TPST1: variants seen among roughly 807,000 people sequenced by gnomAD.
TPST1 encodes protein-tyrosine sulfotransferase 1.
In TPST1, 20 loss-of-function variants were observed where a neutral mutation model predicts 34.8. The ratio of observed to expected loss-of-function variants is 0.57; its 90% CI spans 0.40 to 0.84. TPST1 has a LOEUF of 0.84. Ranked by LOEUF, TPST1 falls within the 40% of genes least tolerant of loss-of-function variation. The pLI is 0.00. For synonymous variants in TPST1, 152 were observed against 159.4 expected, an observed-to-expected ratio of 0.95 and a Z score of 0.35; for missense variants, 353 against 455.5, an observed-to-expected ratio of 0.78 and a Z score of 2.05.
chr7:66,278,775 G>A (rs908285560), intron 2 of TPST1, among the ~76,000 whole-genome samples: 2 of 151,306 alleles, frequency 1.3e-5, no homozygotes, highest in African/African-American at 4.9e-5. Flanking sequence ...TCCAGCCTGG[G>A]TGGCAGAACG....
At chr7:66,283,247 CAAG>C (rs1047622933) in intron 2 of TPST1, among the ~76,000 whole-genome samples, 11 of 151,912 alleles carry the variant, frequency 7.2e-5, no homozygotes, top group African/African-American at 1.7e-4. Context: ...GGTGACAGAG[CAAG>C]AGTCCGTCTC....
upstream of TPST1, among the ~76,000 whole-genome samples, chr7:66,201,728 C>A (rs1026650005): frequency 1.3e-5 from 2 of 151,744 alleles, no homozygotes; most frequent in African/African-American, 4.8e-5. Context: ...TGGCGTGCAC[C>A]CGTAGTCTTA....
intron 3 of TPST1, among the ~76,000 whole-genome samples, chr7:66,335,104 C>T (rs375159894): frequency 2.0e-5 from 3 of 152,136 alleles, no homozygotes; most frequent in East Asian, 1.9e-4. Context: ...AATCCCTGGT[C>T]GGATTTTCCA....
At chr7:66,341,948 A>G (rs1792246548) in intron 3 of TPST1, among the ~76,000 whole-genome samples, 1 of 152,188 alleles carries the variant, frequency 6.6e-6, no homozygotes, top group South Asian at 2.1e-4. Context: ...AGTTGAGAAA[A>G]TATCTTAGTA....
At chr7:66,248,195 T>C (rs1207323584) in intron 2 of TPST1, among the ~76,000 whole-genome samples, 1 of 152,144 alleles carries the variant, frequency 6.6e-6, no homozygotes, top group Non-Finnish European at 1.5e-5. Flanking sequence ...GAGGGCCTTA[T>C]ATTTTAAGCT....
chr7:66,239,174 G>C (rs938349189), intron 1 of TPST1, among the ~76,000 whole-genome samples: 1 of 152,126 alleles, frequency 6.6e-6, no homozygotes, highest in Non-Finnish European at 1.5e-5. Context: ...TTCTTAAAGA[G>C]ACAGGGTCTC....
intron 3 of TPST1, among the ~76,000 whole-genome samples, chr7:66,330,080 T>G (rs978077079): frequency 1.3e-5 from 2 of 152,164 alleles, no homozygotes; most frequent in Non-Finnish European, 2.9e-5. Flanking sequence ...AACCTGCACA[T>G]GTACCCCCTG....
At chr7:66,354,750 C>G (rs943576451) in intron 4 of TPST1, among the ~76,000 whole-genome samples, 1 of 152,098 alleles carries the variant, frequency 6.6e-6, no homozygotes, top group Non-Finnish European at 1.5e-5. Context: ...CTTGTAATCC[C>G]AGCACTTTGG....
chr7:66,208,604 G>C (rs1247967668), intron 1 of TPST1, among the ~76,000 whole-genome samples: 1 of 152,034 alleles, frequency 6.6e-6, no homozygotes, highest in Non-Finnish European at 1.5e-5. Context: ...GAGTAGCTGG[G>C]ATTACAGGCG....
intron 2 of TPST1, among the ~76,000 whole-genome samples, chr7:66,271,378 C>T (rs1484831045): frequency 3.3e-5 from 5 of 152,152 alleles, no homozygotes; most frequent in African/African-American, 1.2e-4. Flanking sequence ...GGGGTTTCAC[C>T]CTGTTAGCCA....
intron 2 of TPST1, among the ~76,000 whole-genome samples, chr7:66,257,153 C>T (rs1790397735): frequency 6.6e-6 from 1 of 152,044 alleles, no homozygotes; most frequent in African/African-American, 2.4e-5. Context: ...CGCTATGTTG[C>T]CCAGGCTGGT....
chr7:66,251,478 G>A (rs1790260398), intron 2 of TPST1, among the ~76,000 whole-genome samples: 1 of 152,108 alleles, frequency 6.6e-6, no homozygotes, highest in African/African-American at 2.4e-5. Context: ...AGTAGCAAGT[G>A]CACCACAGGC....
chr7:66,251,429 C>T (rs1364713020), intron 2 of TPST1, among the ~76,000 whole-genome samples: 1 of 152,172 alleles, frequency 6.6e-6, no homozygotes, highest in Non-Finnish European at 1.5e-5. Context: ...TCCCCTCCCT[C>T]TCCCCATCCC....
intron 3 of TPST1, among the ~76,000 whole-genome samples, chr7:66,317,643 AATC>A (rs981790302): frequency 2.0e-5 from 3 of 151,922 alleles, no homozygotes; most frequent in Non-Finnish European, 4.4e-5. Flanking sequence ...TTGTTAGTCT[AATC>A]TTACCTATGT....
chr7:66,218,797 C>T lies in TPST1; in HGVS notation c.-102+13275C>T, dbSNP rs1033180244. Among the ~76,000 whole-genome samples the T allele has an allele frequency of 4.0e-5, 6 of 151,122 alleles. 1 individual carries two copies. Among genetic ancestry groups the T allele is most frequent in the South Asian group, 4.2e-4 (2 of 4,774 alleles). Reference sequence around the variant, plus strand: ...GGGAGGTGGAGCTTGCAGTGAGCTGCGATTGCACCACTGCACTCCAGCCTG... The same window carrying T: ...GGGAGGTGGAGCTTGCAGTGAGCTGTGATTGCACCACTGCACTCCAGCCTG... On this transcript the variant is annotated intron_variant, in intron 1 of 5. Coordinates refer to ENST00000304842, the MANE Select transcript of TPST1 (RefSeq NM_003596.4).
At chr7:66,283,014 G>A (rs984633563) in intron 2 of TPST1, among the ~76,000 whole-genome samples, 12 of 152,134 alleles carry the variant, frequency 7.9e-5, no homozygotes, top group Admixed American at 5.2e-4. Flanking sequence ...CATGCCTGTA[G>A]TCCCAGCACT....
intron 2 of TPST1, among the ~76,000 whole-genome samples, chr7:66,274,487 CA>C (rs979516684): frequency 1.3e-5 from 2 of 151,978 alleles, no homozygotes; most frequent in African/African-American, 4.8e-5. Context: ...GTATAACTAT[CA>C]GAAGAAGACA....
intron 3 of TPST1, among the ~76,000 whole-genome samples, chr7:66,329,661 G>A (rs1299138785): frequency 1.3e-5 from 2 of 152,118 alleles, no homozygotes; most frequent in African/African-American, 4.8e-5. Flanking sequence ...TGCATTAGTT[G>A]TCTATTGCTT....
intron 2 of TPST1, among the ~76,000 whole-genome samples, chr7:66,263,054 C>T (rs1054834082): frequency 2.0e-5 from 3 of 151,674 alleles, no homozygotes; most frequent in Admixed American, 1.3e-4. Context: ...GAGCCCAGAT[C>T]GTGCCACTGC....
Sources: allele counts gnomAD v4.1 joint callset (sites outside exome capture counted in the v4.1 genomes callset), GRCh38; gene constraint gnomAD v4.1.1; transcripts MANE v1.5; gene names NCBI Gene and HGNC (gene_info 2026-07-23, HGNC 2026-07-21).